The following NRXN1 variants were observed in gnomAD, a reference collection of about 807,000 sequenced individuals.
NRXN1 encodes the protein neurexin 1.
NRXN1 carries 39 observed loss-of-function variants against 150.9 expected under a neutral mutation model. The ratio of observed to expected loss-of-function variants is 0.26; its 90% CI spans 0.20 to 0.34. NRXN1 has a LOEUF of 0.34. NRXN1 is among the 10% of genes least tolerant of loss of function. NRXN1 has a pLI of 1.00. For synonymous variants in NRXN1, 924 were observed against 757.0 expected (o/e 1.22, Z -3.62); for missense variants, 1,815 against 1,949.9 (o/e 0.93, Z 1.30).
intron 5 of NRXN1, among the ~76,000 whole-genome samples, chr2:50,876,550 G>A (rs1194836994): frequency 6.6e-6 from 1 of 151,720 alleles, no homozygotes; most frequent in East Asian, 2.0e-4. Context: ...GTTCTCTTTG[G>A]ATTACATGTA....
At chr2:50,162,392 G>T (rs1559004210) in intron 18 of NRXN1, among the ~76,000 whole-genome samples, 1 of 152,058 alleles carries the variant, frequency 6.6e-6, no homozygotes. Context: ...TATAAACATT[G>T]TCAGGGTAAA....
At chr2:50,518,000 C>T in intron 12 of NRXN1, among the ~76,000 whole-genome samples, 1 of 152,128 alleles carries the variant, frequency 6.6e-6, no homozygotes, top group East Asian at 1.9e-4. Flanking sequence ...AGGTTAAAAT[C>T]ACCTACTTCA....
chr2:50,825,579 CT>C (rs1212237944), intron 5 of NRXN1, among the ~76,000 whole-genome samples: 2 of 152,218 alleles, frequency 1.3e-5, no homozygotes, highest in Non-Finnish European at 2.9e-5. Context: ...AGTATGGCAG[CT>C]CTGTGCCCCT....
Position 50,807,879 on chromosome 2 carries a change from G to GA in NRXN1, c.832+113989dup, listed in dbSNP as rs564121274. On this transcript the variant is annotated intron_variant, in intron 5 of 22. Coordinates refer to ENST00000401669, the MANE Select transcript of NRXN1 (RefSeq NM_001330078.2). ...AGATACAATTGTCACCTGTTTTCTA[G>GA]AAAAAATATATTAAATATAACCTAA... Among the ~76,000 whole-genome samples the GA allele has an allele frequency of 1.3e-3, 203 of 152,084 alleles. 1 individual carries two copies. The highest frequency in any genetic ancestry group is 2.4e-3 in the Non-Finnish European group (163 of 67,958).
chr2:50,155,778 G>A (rs929000962), intron 18 of NRXN1, among the ~76,000 whole-genome samples: 2 of 151,442 alleles, frequency 1.3e-5, no homozygotes, highest in Non-Finnish European at 1.5e-5. Context: ...TAAGTATGGT[G>A]TATTCATATA....
chr2:50,554,581 A>G (rs917343845), intron 8 of NRXN1: 2 of 152,210 alleles, frequency 1.3e-5, no homozygotes, highest in African/African-American at 4.8e-5. Flanking sequence ...CATTCATTCC[A>G]ATGCCAATCA....
intron 19 of NRXN1, among the ~76,000 whole-genome samples, chr2:50,083,571 A>G (rs1698294731): frequency 6.6e-6 from 1 of 152,142 alleles, no homozygotes. Flanking sequence ...CAAAAGAACA[A>G]GGCTTCCACA....
chr2:50,112,403 G>A (rs1254632980), intron 18 of NRXN1, among the ~76,000 whole-genome samples: 3 of 152,160 alleles, frequency 2.0e-5, no homozygotes, highest in Admixed American at 1.3e-4. Flanking sequence ...TACTGAAGCT[G>A]GTCCCTTCGT....
chr2:50,480,306 C>T (rs59031803), intron 15 of NRXN1, among the ~76,000 whole-genome samples: 24 of 152,208 alleles, frequency 1.6e-4, no homozygotes, highest in Admixed American at 1.2e-3. Context: ...ATGCATGAAT[C>T]GTCTTCTCCA....
intron 5 of NRXN1, among the ~76,000 whole-genome samples, chr2:50,700,374 T>C (rs1447298332): frequency 6.6e-6 from 1 of 152,162 alleles, no homozygotes; most frequent in Non-Finnish European, 1.5e-5. Context: ...CTGTATCCTT[T>C]GCTGGGCCAA....
chr2:50,206,905 CAT>C (rs111865244), intron 18 of NRXN1, among the ~76,000 whole-genome samples: 2,362 of 148,284 alleles, frequency 0.016, 16 homozygotes, highest in Non-Finnish European at 0.021. Flanking sequence ...CACACACACA[CAT>C]ACATATACAC....
At chr2:50,139,262 G>A (rs12713089) in intron 18 of NRXN1, among the ~76,000 whole-genome samples, 47,227 of 149,562 alleles carry the variant, frequency 0.32, 7,816 homozygotes, top group Non-Finnish European at 0.36. Flanking sequence ...GGAGGCAGAG[G>A]TTGCAGTGAT....
intron 5 of NRXN1, among the ~76,000 whole-genome samples, chr2:50,839,172 T>C (rs1026530756): frequency 7.9e-5 from 12 of 152,304 alleles, no homozygotes; most frequent in Middle Eastern, 3.4e-3. Flanking sequence ...ACTGTGACTC[T>C]GCCCTTTTGA....
chr2:50,654,301 T>C (rs1686084840), intron 5 of NRXN1, among the ~76,000 whole-genome samples: 1 of 149,512 alleles, frequency 6.7e-6, no homozygotes, highest in South Asian at 2.1e-4. Flanking sequence ...GTCCTTGCCA[T>C]AGTTTGCTGA....
At chr2:50,574,339 G>C (rs560109991) in intron 8 of NRXN1, among the ~76,000 whole-genome samples, 3 of 151,078 alleles carry the variant, frequency 2.0e-5, no homozygotes, top group African/African-American at 7.3e-5. Context: ...ATTGGCTTTT[G>C]TAAAAAAAAA....
intron 21 of NRXN1, among the ~76,000 whole-genome samples, chr2:50,027,834 T>A (rs1688593925): frequency 6.6e-6 from 1 of 152,148 alleles, no homozygotes; most frequent in African/African-American, 2.4e-5. Context: ...GCTTGCCACC[T>A]AGAATATCTT....
intron 22 of NRXN1, among the ~76,000 whole-genome samples, chr2:49,927,534 A>C (rs1669310320): frequency 6.6e-6 from 1 of 152,226 alleles, no homozygotes; most frequent in South Asian, 2.1e-4. Context: ...AGATAGATAC[A>C]TTTTTGAATG....
chr2:50,148,185 A>T (rs1167402111), intron 18 of NRXN1, among the ~76,000 whole-genome samples: 2 of 151,630 alleles, frequency 1.3e-5, no homozygotes, highest in Admixed American at 1.3e-4. Flanking sequence ...TTTAAGTTGT[A>T]AGTCATTTGC....
intron 13 of NRXN1, among the ~76,000 whole-genome samples, chr2:50,502,861 G>A (rs1283048760): frequency 6.6e-6 from 1 of 152,066 alleles, no homozygotes; most frequent in African/African-American, 2.4e-5. Flanking sequence ...TGCTGAAGGG[G>A]TCAAGTAGCA....
Sources: gnomAD v4.1 joint callset for allele counts (sites outside exome capture counted in the v4.1 genomes callset) on GRCh38, gnomAD v4.1.1 for gene constraint, MANE v1.5 for transcripts, NCBI Gene and HGNC (gene_info 2026-07-23, HGNC 2026-07-21) for gene names.